Variants in VPS35 observed in about 807,000 individuals in gnomAD.
VPS35 encodes the protein vacuolar protein sorting-associated protein 35.
In VPS35, 21 loss-of-function variants were observed where a neutral mutation model predicts 98.1. That is an observed-to-expected ratio of 0.21 (90% CI 0.15 to 0.31). The LOEUF is 0.31. Among genes scored for constraint, VPS35 ranks in the 10% least tolerant of loss-of-function variants. The pLI, the probability that VPS35 is intolerant of heterozygous loss-of-function variation, is 1.00. For missense variants in VPS35, 554 were observed against 950.8 expected (o/e 0.58, Z 5.49); for synonymous variants, 268 against 318.2 (o/e 0.84, Z 1.68).
At chr16:46,686,784 G>A (rs1205170303) in intron 1 of VPS35, among the ~76,000 whole-genome samples, 1 of 152,146 alleles carries the variant, frequency 6.6e-6, no homozygotes, top group African/African-American at 2.4e-5. Flanking sequence ...GTACTTCACA[G>A]CTACATGAAT....
chr16:46,676,026 C>T (rs1406828744), intron 8 of VPS35, among the ~76,000 whole-genome samples: 1 of 121,696 alleles, frequency 8.2e-6, no homozygotes, highest in East Asian at 2.8e-4. Flanking sequence ...GACAGCGTCA[C>T]TGCACTCTAG....
chr16:46,688,226 T>G, intron 1 of VPS35: 1 of 801,148 alleles, frequency 1.2e-6, no homozygotes, highest in Non-Finnish European at 1.5e-6. Flanking sequence ...GTAAGGTAAT[T>G]AAAGCGGACA....
intron 1 of VPS35, chr16:46,688,817 G>A (rs1317174259): frequency 2.9e-6 from 4 of 1,371,512 alleles, no homozygotes; most frequent in South Asian, 3.4e-5. Context: ...GTGGTAGGCA[G>A]GTGACCGATT....
In VPS35 at chr16:46,661,442, C is replaced by A. The variant is rs1022560892; in HGVS notation, c.2211+276G>T. On this transcript the variant is annotated intron_variant, in intron 16 of 16. Coordinates refer to ENST00000299138, the MANE Select transcript of VPS35 (RefSeq NM_018206.6). The surrounding 1 kb of genome is among the most constrained non-coding windows in gnomAD (Gnocchi z 4.3). ...ATGGGGTTTCACAATGTTGGCCAGG[C>A]TGGTTTCAAACTCCTGACCTCAGGT... 1.5e-5 allele frequency: 5 copies of A among 329,680 alleles called. No homozygotes were observed. The East Asian group carries it at 4.0e-4, about 26-fold the overall frequency. The allele number at this position is 329,680 out of a possible 1,614,324, so 20.4% of individuals were successfully genotyped here. A position where few individuals can be genotyped will look rare whatever the true frequency, so the allele number is the denominator to read the frequency against.
intron 1 of VPS35, among the ~76,000 whole-genome samples, chr16:46,686,415 G>C (rs1966315961): frequency 6.6e-6 from 1 of 152,140 alleles, no homozygotes; most frequent in African/African-American, 2.4e-5. Context: ...TGACTAGAAA[G>C]ATTTAGAGAT....
In VPS35 at chr16:46,661,852, C is replaced by T. The variant is rs998414755; in HGVS notation, c.2077G>A (p.Gly693Ser). ...TDKNGEELHG[G>S]KRVMECLKKA... ...TTTAGGCACTCCATTACCCTCTTGC[C>T]TCCGTGAAGCTAAAATAAAAGGGCA... Residue 693 changes from glycine to serine, a missense_variant, in exon 16 of 17, where the codon GGC becomes AGC. Physicochemically the swap from Gly to Ser is moderately conservative, Grantham distance 56 (BLOSUM62 0). Coordinates refer to ENST00000299138, the MANE Select transcript of VPS35 (RefSeq NM_018206.6). The surrounding 1 kb of genome is among the most constrained non-coding windows in gnomAD (Gnocchi z 4.3). 1.9e-6 allele frequency: 3 copies of T among 1,613,934 alleles called. No homozygotes were observed. The African/African-American group carries it at 4.0e-5, about 22-fold the overall frequency.
At chr16:46,678,009 G>T (rs1429197816) in intron 6 of VPS35, among the ~76,000 whole-genome samples, 3 of 152,182 alleles carry the variant, frequency 2.0e-5, no homozygotes, top group African/African-American at 7.2e-5. Flanking sequence ...AATTGTTCCA[G>T]AATCACTTGC....
rs970402130 is a variant in VPS35 at position 46,656,700 on chromosome 16, CAATGAGTGGT to C, written c.*3762_*3771del. 5 of 152,142 alleles carry C rather than the reference CAATGAGTGGT, an allele frequency of 3.3e-5. No individual in the cohort carries two copies. The highest frequency in any genetic ancestry group is 1.2e-4 in the African/African-American group (5 of 41,426). The allele number at this position is 152,142 out of a possible 1,614,324, so 9.4% of individuals were successfully genotyped here. On this transcript the variant is annotated 3_prime_UTR_variant, in exon 17 of 17. Coordinates refer to ENST00000299138, the MANE Select transcript of VPS35 (RefSeq NM_018206.6). ...ACTACTGATGCAAGCCTGAACACAG[CAATGAGTGGT>C]ACAATATACAATCTGGCTGGGCAAG...
chr16:46,667,558 AT>A (rs1248228626), intron 13 of VPS35, among the ~76,000 whole-genome samples: 2 of 151,898 alleles, frequency 1.3e-5, no homozygotes, highest in African/African-American at 4.8e-5. Flanking sequence ...TTTTAAACTT[AT>A]TTTTGCTTTA....
intron 12 of VPS35, 125 bp from the exon 13 acceptor site, chr16:46,669,177 GTAGGCAATT>G: frequency 9.7e-6 from 12 of 1,235,800 alleles, no homozygotes; most frequent in Non-Finnish European, 1.4e-5. Flanking sequence ...ATACTTTATG[GTAGGCAATT>G]TACATATTTC....
At chr16:46,670,483 C>A (rs1255693449) in intron 12 of VPS35, among the ~76,000 whole-genome samples, 1 of 152,166 alleles carries the variant, frequency 6.6e-6, no homozygotes, top group Non-Finnish European at 1.5e-5. Context: ...TGGGGTTTCA[C>A]CATGTTGGCC....
chr16:46,657,344 G>A lies in VPS35; in HGVS notation c.*3128C>T, dbSNP rs959276988. 6.6e-6 allele frequency: 1 copy of A among 152,144 alleles called. No homozygotes were observed. Among genetic ancestry groups the A allele is most frequent in the South Asian group, 2.1e-4 (1 of 4,826 alleles). 9.4% of individuals were successfully genotyped at this position (152,144 alleles called of 1,614,324 possible). On this transcript the variant is annotated 3_prime_UTR_variant, in exon 17 of 17. Coordinates refer to ENST00000299138, the MANE Select transcript of VPS35 (RefSeq NM_018206.6). ...CCATTGTCAAAGACAATTCTGTTGG[G>A]AAATCCTTTCTGCTTGAGCTTATTA...
At chr16:46,669,300 C>T in intron 12 of VPS35, 3 of 512,088 alleles carry the variant, frequency 5.9e-6, no homozygotes, top group Admixed American at 3.2e-5. Context: ...CCCAAGGTAG[C>T]GAGTTAGAAG....
intron 5 of VPS35, 66 bp from the exon 6 acceptor site, chr16:46,679,222 T>G: frequency 7.2e-7 from 1 of 1,389,932 alleles, no homozygotes; most frequent in Non-Finnish European, 1.0e-6. Context: ...TCCTTCTCCT[T>G]TGTGTATTTC....
At chr16:46,662,037 G>C (rs1203767364) in intron 15 of VPS35, among the ~76,000 whole-genome samples, 176 bp from the exon 16 acceptor site, 1 of 152,082 alleles carries the variant, frequency 6.6e-6, no homozygotes, top group Admixed American at 6.5e-5. Context: ...TTTAAAAACA[G>C]GTAGTGGTTT....
intron 10 of VPS35, 46 bp from the exon 11 acceptor site, chr16:46,672,518 T>A (rs745425051): frequency 4.0e-6 from 6 of 1,518,818 alleles, no homozygotes; most frequent in Non-Finnish European, 5.5e-6. Context: ...ATTAACTTTC[T>A]ATATACACAA....
chr16:46,682,602 T>G (rs1347782079), intron 2 of VPS35: 1 of 173,594 alleles, frequency 5.8e-6, no homozygotes, highest in African/African-American at 2.4e-5. Flanking sequence ...TTTGCTTTCC[T>G]CTTGCATTCT....
chr16:46,678,799 T>C (rs986598078), intron 6 of VPS35, 144 bp downstream of exon 6: 2 of 789,540 alleles, frequency 2.5e-6, no homozygotes, highest in African/African-American at 3.5e-5. Flanking sequence ...ACTGCATATA[T>C]ATCTTTCCGT....
rs772021168 is a variant in VPS35, at chr16:46,661,778, C to T, written c.2151G>A (p.Val717=). The change falls in exon 16 of 17, where the codon GTG becomes GTA. Residue 717 remains valine, a synonymous_variant. Coordinates refer to ENST00000299138, the MANE Select transcript of VPS35 (RefSeq NM_018206.6). The surrounding 1 kb of genome is among the most constrained non-coding windows in gnomAD (Gnocchi z 4.3). Reference sequence around the variant, plus strand: ...TGTTCAGAATTTCTATAAAAAGCTGCACTTGTAGAGAGGGGTCCATGCACT... The same window carrying T: ...TGTTCAGAATTTCTATAAAAAGCTGTACTTGTAGAGAGGGGTCCATGCACT... ...ANQCMDPSLQ[V]QLFIEILNRY... is the part of the protein sequence containing the mutation. 3 of 1,613,952 alleles carry T rather than the reference C, an allele frequency of 1.9e-6. No individual in the cohort carries two copies. Among genetic ancestry groups the T allele is most frequent in the South Asian group, 2.2e-5 (2 of 91,082 alleles).
Sources: gnomAD v4.1 joint callset for allele counts (sites outside exome capture counted in the v4.1 genomes callset) on GRCh38, gnomAD v4.1.1 for gene constraint, Gnocchi (gnomAD v3.1) non-coding constraint, MANE v1.5 for transcripts, NCBI Gene and HGNC (gene_info 2026-07-23, HGNC 2026-07-21) for gene names.